Variants in COQ10B observed in about 807,000 individuals in gnomAD.
The protein encoded by COQ10B is coenzyme Q10B, also known as coenzyme Q-binding protein COQ10 homolog B, mitochondrial.
In COQ10B, 12 loss-of-function variants were observed where a neutral mutation model predicts 27.6. The observed-to-expected ratio is 0.43, with a 90% CI of 0.28 to 0.70. COQ10B has a LOEUF of 0.70. COQ10B is among the 30% of genes least tolerant of loss of function. COQ10B has a pLI of 0.17. For synonymous variants in COQ10B, 115 were observed against 103.0 expected (o/e 1.12, Z -0.71); for missense variants, 278 against 288.7 (o/e 0.96, Z 0.27).
chr2:197,463,982 TATATATATATATATACACAC>T (rs2085793543), intron 3 of COQ10B, among the ~76,000 whole-genome samples: 1 of 81,882 alleles, frequency 1.2e-5, no homozygotes, highest in Non-Finnish European at 2.3e-5. Context: ...TATATATATA[TATATATATATATATACACAC>T]ACACACACAC....
chr2:197,471,381 A>G (rs2085875688), intron 4 of COQ10B, among the ~76,000 whole-genome samples: 1 of 152,008 alleles, frequency 6.6e-6, no homozygotes, highest in South Asian at 2.1e-4. Flanking sequence ...GGCTCAGGAG[A>G]TCTGCCTACC....
intron 2 of COQ10B, 24 bp downstream of exon 2, chr2:197,460,105 CT>C: frequency 6.5e-7 from 1 of 1,544,044 alleles, no homozygotes; most frequent in African/African-American, 1.4e-5. Flanking sequence ...AAGAATTCTA[CT>C]AAAAGAGCAT....
chr2:197,457,682 T>G (rs1331162845), intron 1 of COQ10B, among the ~76,000 whole-genome samples: 1 of 151,794 alleles, frequency 6.6e-6, no homozygotes, highest in Non-Finnish European at 1.5e-5. Context: ...AGTGCAATGG[T>G]GCCGTCTCGG....
chr2:197,458,046 T>C (rs1365877457), intron 1 of COQ10B, among the ~76,000 whole-genome samples: 1 of 152,152 alleles, frequency 6.6e-6, no homozygotes, highest in African/African-American at 2.4e-5. Context: ...CTTCATTGTA[T>C]TATAGAGCCC....
intron 2 of COQ10B, among the ~76,000 whole-genome samples, chr2:197,462,128 C>A (rs1343823674): frequency 2.0e-5 from 3 of 151,922 alleles, no homozygotes; most frequent in Non-Finnish European, 4.4e-5. Flanking sequence ...AATTAGCTGA[C>A]TGTGGTGGCA....
chr2:197,470,955 C>T (rs959173319), intron 4 of COQ10B, among the ~76,000 whole-genome samples: 2 of 152,098 alleles, frequency 1.3e-5, no homozygotes, highest in African/African-American at 4.8e-5. Flanking sequence ...GTAGTCCTAG[C>T]TGCTGAGAAG....
intron 4 of COQ10B, among the ~76,000 whole-genome samples, chr2:197,472,091 A>C (rs1450612155): frequency 6.6e-6 from 1 of 152,074 alleles, no homozygotes; most frequent in East Asian, 1.9e-4. Context: ...AAAATAGGGA[A>C]ATATGGGTAA....
In COQ10B at chr2:197,473,907, G is replaced by A. The variant is rs751680313; in HGVS notation, c.700G>A (p.Glu234Lys). 3.8e-6 allele frequency: 6 copies of A among 1,569,226 alleles called. No homozygotes were observed. The South Asian group carries it at 4.8e-5, about 13-fold the overall frequency. Residue 234 changes from glutamate (E) to lysine (K), a missense_variant, in exon 5 of 5, where the codon GAA becomes AAA. Glu to Lys is a moderately conservative substitution (Grantham distance 56). This residue lies in a region of COQ10B where 83 missense variants were observed against 104.5 expected (regional missense o/e 0.79). Coordinates refer to ENST00000263960, the MANE Select transcript of COQ10B (RefSeq NM_025147.5). ...TNIPRELMLH[E>K]VHHT ...TATACCTCGGGAGTTAATGCTTCAT[G>A]AAGTCCATCACACATAAAGGCAAAA...
intron 4 of COQ10B, among the ~76,000 whole-genome samples, chr2:197,470,509 C>T (rs1030455596): frequency 6.6e-6 from 1 of 152,166 alleles, no homozygotes; most frequent in African/African-American, 2.4e-5. Flanking sequence ...CCTGGAATCC[C>T]AGCACTTTGG....
chr2:197,470,669 C>A (rs996315915), intron 4 of COQ10B, among the ~76,000 whole-genome samples: 1 of 152,022 alleles, frequency 6.6e-6, no homozygotes, highest in Admixed American at 6.6e-5. Flanking sequence ...CTGAGGCGGG[C>A]AGATCACCTG....
chr2:197,467,451 C>G (rs1270361898), intron 3 of COQ10B, among the ~76,000 whole-genome samples: 1 of 152,050 alleles, frequency 6.6e-6, no homozygotes, highest in Non-Finnish European at 1.5e-5. Context: ...AATCTCAGCT[C>G]AGCACAACCT....
chr2:197,471,268 G>A (rs1372445280), intron 4 of COQ10B, among the ~76,000 whole-genome samples: 1 of 151,770 alleles, frequency 6.6e-6, no homozygotes, highest in Non-Finnish European at 1.5e-5. Flanking sequence ...TCAGCCTCCC[G>A]AGTAGCTGGG....
At chr2:197,462,142 G>C (rs1006465178) in intron 2 of COQ10B, among the ~76,000 whole-genome samples, 1 of 151,736 alleles carries the variant, frequency 6.6e-6, no homozygotes, top group Non-Finnish European at 1.5e-5. Context: ...GGTGGCACGT[G>C]CCTGGAGTCC....
chr2:197,473,874 GA>G lies in COQ10B; in HGVS notation c.670del (p.Thr224GlnfsTer7). 6.3e-7 allele frequency: 1 copy of G among 1,595,082 alleles called. No individual in the cohort carries two copies. The highest frequency in any genetic ancestry group is 2.3e-5 in the East Asian group (1 of 44,396). The stretch of plus-strand genomic sequence containing the variant: ...AAGAGCATGTAAGCTGTATGGTCCA[GA>G]AACAAATATACCTCGGGAGTTAATG... ...ERRACKLYGP[E>X]TNIPRELMLH... is the part of the protein sequence containing the mutation. On this transcript the variant is annotated frameshift_variant, in exon 5 of 5. Coordinates refer to ENST00000263960, the MANE Select transcript of COQ10B (RefSeq NM_025147.5). LOFTEE classifies it high-confidence loss of function.
intron 4 of COQ10B, among the ~76,000 whole-genome samples, chr2:197,471,754 C>T (rs895416711): frequency 6.6e-6 from 1 of 151,964 alleles, no homozygotes. Context: ...CCAGCCTGGC[C>T]AACATGGCGA....
chr2:197,468,373 G>T (rs1343830144), intron 3 of COQ10B, among the ~76,000 whole-genome samples: 1 of 150,820 alleles, frequency 6.6e-6, no homozygotes, highest in Non-Finnish European at 1.5e-5. Flanking sequence ...GATCCAGGAG[G>T]CGGAGCTTGC....
In COQ10B at chr2:197,462,561, G is replaced by T; in HGVS notation, c.277G>T (p.Asp93Tyr). Residue 93 changes from aspartate to tyrosine, a missense_variant, in exon 3 of 5, where the codon GAT becomes TAT. Physicochemically the swap from Asp to Tyr is radical, Grantham distance 160 (BLOSUM62 -3). Around this residue, in one of 3 missense-constraint regions of COQ10B, gnomAD observed 183 missense variants for 158.2 expected, o/e 1.16. Transcript: ENST00000263960. ...ILGYSMQEMY[D>Y]VVSGVEDYKH... ...AAGATATTCAATGCAGGAAATGTATGATGTAGTATCGGGAGTGGAGGATTA... is the reference window on the plus strand; with the variant it reads ...AAGATATTCAATGCAGGAAATGTATTATGTAGTATCGGGAGTGGAGGATTA... 6.3e-7 allele frequency: 1 copy of T among 1,579,354 alleles called. No homozygotes were observed. The highest frequency in any genetic ancestry group is 1.2e-5 in the South Asian group (1 of 86,072).
intron 1 of COQ10B, among the ~76,000 whole-genome samples, chr2:197,457,575 A>G (rs2085712643): frequency 6.6e-6 from 1 of 151,814 alleles, no homozygotes; most frequent in South Asian, 2.1e-4. Context: ...AAATCTTAAA[A>G]GGTCCTAATA....
In COQ10B at chr2:197,472,448, C is replaced by CAA. The variant is rs777308010; in HGVS notation, c.550-1308_550-1307dup. 6.0e-5 allele frequency among the ~76,000 whole-genome samples: 9 copies of CAA among 149,064 alleles called. No individual in the cohort carries two copies. The East Asian group carries it at 7.9e-4, about 13-fold the overall frequency. On this transcript the variant is annotated intron_variant, in intron 4 of 4. Coordinates refer to ENST00000263960, the MANE Select transcript of COQ10B (RefSeq NM_025147.5). ...AAGCCTAAAACAAAACAAAACAAAA[C>CAA]AACAACAACTACAAAATAAGGTGGA...
Sources: gnomAD v4.1 joint callset for allele counts (sites outside exome capture counted in the v4.1 genomes callset) on GRCh38, gnomAD v4.1.1 for gene constraint, gnomAD v4.1.1 regional missense constraint, MANE v1.5 for transcripts, NCBI Gene and HGNC (gene_info 2026-07-23, HGNC 2026-07-21) for gene names.